The following LCN9 variants were observed in gnomAD, a reference collection of about 807,000 sequenced individuals.
The protein encoded by LCN9 is epididymal-specific lipocalin-9.
In LCN9, 22 loss-of-function variants were observed where a neutral mutation model predicts 18.5. The ratio of observed to expected loss-of-function variants is 1.19; its 90% CI spans 0.85 to 1.70. The LOEUF (loss-of-function observed/expected upper bound fraction) is 1.70, where lower values mean the gene tolerates loss of function less well. LCN9 is among the 40% of genes most tolerant of loss of function. LCN9 has a pLI of 0.00. For synonymous variants in LCN9, 89 were observed against 83.0 expected (o/e 1.07, Z -0.39); for missense variants, 202 against 201.3 (o/e 1.00, Z -0.02).
rs773626792 is a variant in LCN9, at chr9:135,664,270, G to A, written c.205G>A (p.Gly69Ser). Reference sequence around the variant, plus strand: ...CCGGAATATTGAACACTTGAAGAACGGCAGCCTAATATTTGATTTCGAATA... The same window carrying A: ...CCGGAATATTGAACACTTGAAGAACAGCAGCCTAATATTTGATTTCGAATA... Residue 69 changes from glycine (G) to serine (S), a missense_variant, in exon 2 of 6, where the codon GGC becomes AGC. Transcript: ENST00000619315. The surrounding 1 kb of genome is among the most constrained non-coding windows in gnomAD (Gnocchi z 4.5). 5.0e-5 allele frequency: 81 copies of A among 1,613,702 alleles called. No homozygotes were observed. The highest frequency in any genetic ancestry group is 9.9e-5 in the South Asian group (9 of 91,082).
At chr9:135,663,452 A>T in intron 1 of LCN9, 35 bp downstream of exon 1, 1 of 1,575,818 alleles carries the variant, frequency 6.3e-7, no homozygotes, top group Non-Finnish European at 8.7e-7. Flanking sequence ...GGAAGGGGCC[A>T]GGCTTCAAGG....
chr9:135,666,120 G>T (rs367731895), exon 6 of LCN9: 1 of 1,598,238 alleles, frequency 6.3e-7, no homozygotes, highest in South Asian at 1.1e-5. Context: ...AGCAGGAAGT[G>T]AGATGGGGCC....
At position 135,665,291 on chromosome 9, in the gene LCN9, G is replaced by A. The variant is rs752155644; in HGVS notation, c.354G>A (p.Leu118=). ...CCGTCTCGGAGACTGACTACAGGCT[G>A]TTCATCACCTTCCACCTCCAGAACT... Residue 118 remains leucine, a synonymous_variant, in exon 4 of 6, where the codon CTG becomes CTA. Transcript: ENST00000619315. This position sits in a 1 kb window ranked among gnomAD's most constrained non-coding sequence, Gnocchi z 5.9. The A allele has an allele frequency of 6.8e-6, 11 of 1,606,900 alleles. No individual in the cohort carries two copies. Among genetic ancestry groups the A allele is most frequent in the East Asian group, 6.7e-5 (3 of 44,586 alleles).
exon 6 of LCN9, chr9:135,666,355 T>C: frequency 1.8e-6 from 1 of 550,262 alleles, no homozygotes; most frequent in Non-Finnish European, 3.2e-6. Flanking sequence ...TGTCTGTGTC[T>C]CCTCTTCTGT....
chr9:135,666,426 T>G (rs895935845), exon 6 of LCN9: 3 of 352,648 alleles, frequency 8.5e-6, no homozygotes, highest in African/African-American at 2.1e-5. Flanking sequence ...TGATCTCCCG[T>G]CAAGACCTCA....
Position 135,664,115 on chromosome 9 carries a change from C to T in LCN9, c.97-47C>T. On this transcript the variant is annotated intron_variant, in intron 1 of 5. Coordinates refer to ENST00000619315, the Ensembl canonical transcript of LCN9. The surrounding 1 kb of genome is among the most constrained non-coding windows in gnomAD (Gnocchi z 4.5). ...GAAGACTGTGGGCGCTAAGCATCCC[C>T]AGGGCTGTCCCGCGGCCCCCCACCC... 1 of 1,606,818 alleles carries T rather than the reference C, an allele frequency of 6.2e-7. No homozygotes were observed. Among genetic ancestry groups the T allele is most frequent in the Non-Finnish European group, 8.5e-7 (1 of 1,176,664 alleles).
At position 135,665,116 on chromosome 9, in the gene LCN9, C is replaced by T; in HGVS notation, c.308-129C>T. On this transcript the variant is annotated intron_variant, in intron 3 of 5. Coordinates refer to ENST00000619315, the Ensembl canonical transcript of LCN9. This position sits in a 1 kb window ranked among gnomAD's most constrained non-coding sequence, Gnocchi z 5.9. ...TGCAGGGGTCTCCGCTGGGTGAGCACCGTGGGCTCCTCCCCTCCCGCCTCA... is the reference window on the plus strand; with the variant it reads ...TGCAGGGGTCTCCGCTGGGTGAGCATCGTGGGCTCCTCCCCTCCCGCCTCA... 1.4e-6 allele frequency: 1 copy of T among 700,870 alleles called. No homozygotes were observed. Among genetic ancestry groups the T allele is most frequent in the Non-Finnish European group, 2.5e-6 (1 of 396,960 alleles). 43.4% of individuals were successfully genotyped at this position (700,870 alleles called of 1,614,324 possible).
chr9:135,665,785 C>A lies in LCN9; in HGVS notation c.*9+33C>A. The A allele has an allele frequency of 6.2e-7, 1 of 1,612,278 alleles. No individual in the cohort carries two copies. Among genetic ancestry groups the A allele is most frequent in the Non-Finnish European group, 8.5e-7 (1 of 1,179,146 alleles). On this transcript the variant is annotated intron_variant, in intron 5 of 5. Transcript: ENST00000619315. This position sits in a 1 kb window ranked among gnomAD's most constrained non-coding sequence, Gnocchi z 5.9. ...CCACTGCTCCCGGACCAAGCGGGAG[C>A]CGGGACAGGGTGGGGATGGGAGGTG...
At position 135,665,975 on chromosome 9, in the gene LCN9, C is replaced by CG. The variant is rs1035868219; in HGVS notation, c.*128dup. ...AGCTTGGGGCCAACGTCAGAGGCTG[C>CG]GGGGTCCCACCCCAGGAGGTGCCCA... On this transcript the variant is annotated 3_prime_UTR_variant, in exon 6 of 6. Coordinates refer to ENST00000619315, the Ensembl canonical transcript of LCN9. The surrounding 1 kb of genome is among the most constrained non-coding windows in gnomAD (Gnocchi z 5.9). The CG allele has an allele frequency of 6.3e-6, 10 of 1,597,640 alleles. No homozygotes were observed. The African/African-American group carries it at 1.3e-4, about 21-fold the overall frequency.
In LCN9 at chr9:135,664,836, G is replaced by A. The variant is rs1052468185; in HGVS notation, c.307+41G>A. Reference sequence around the variant, plus strand: ...GCTCCTCCTGGTCTCACAGTCGGGGGTCTCCTTTCTCCAGGGCCTGGGCCA... The same window carrying A: ...GCTCCTCCTGGTCTCACAGTCGGGGATCTCCTTTCTCCAGGGCCTGGGCCA... On this transcript the variant is annotated intron_variant, in intron 3 of 5. Coordinates refer to ENST00000619315, the Ensembl canonical transcript of LCN9. The surrounding 1 kb of genome is among the most constrained non-coding windows in gnomAD (Gnocchi z 4.5). The A allele has an allele frequency of 1.9e-6, 3 of 1,542,012 alleles. No homozygotes were observed. Among genetic ancestry groups the A allele is most frequent in the South Asian group, 2.4e-5 (2 of 83,714 alleles).
At position 135,664,761 on chromosome 9, in the gene LCN9, GA is replaced by G; in HGVS notation, c.275del (p.Lys92ArgfsTer50). 1 of 1,598,124 alleles carries G rather than the reference GA, an allele frequency of 6.3e-7. No homozygotes were observed. Among genetic ancestry groups the G allele is most frequent in the Admixed American group, 1.7e-5 (1 of 57,590 alleles). On this transcript the variant is annotated frameshift_variant, in exon 3 of 6. Transcript: ENST00000619315. LOFTEE classifies it high-confidence loss of function. The surrounding 1 kb of genome is among the most constrained non-coding windows in gnomAD (Gnocchi z 4.5). ...GTGTGGCTGTGGTCGTGGTCTGCGA[GA>G]AGACAGAGAAGAATGGGGAATACTC... is the stretch of plus-strand genomic sequence containing the variant.
In LCN9 at chr9:135,665,560, C is replaced by T. The variant is rs1827108092; in HGVS notation, c.419-128C>T. On this transcript the variant is annotated intron_variant, in intron 4 of 5. Transcript: ENST00000619315. This position sits in a 1 kb window ranked among gnomAD's most constrained non-coding sequence, Gnocchi z 5.9. ...ATCTCACTTGGCACAAAGCCCCTCT[C>T]TGGTCAGGGCGTGACCCCCTGCCCA... 4 of 952,132 alleles carry T rather than the reference C, an allele frequency of 4.2e-6. No individual in the cohort carries two copies. Among genetic ancestry groups the T allele is most frequent in the African/African-American group, 3.3e-5 (2 of 61,426 alleles). The allele number at this position is 952,132 out of a possible 1,614,324, so 59.0% of individuals were successfully genotyped here.
chr9:135,665,746 A>G lies in LCN9; in HGVS notation c.*3A>G, dbSNP rs1373303862. 6 of 1,613,510 alleles carry G rather than the reference A, an allele frequency of 3.7e-6. No individual in the cohort carries two copies. The South Asian group carries it at 4.4e-5, about 12-fold the overall frequency. On this transcript the variant is annotated 3_prime_UTR_variant, in exon 5 of 6. Transcript: ENST00000619315. The surrounding 1 kb of genome is among the most constrained non-coding windows in gnomAD (Gnocchi z 5.9). ...CTCACAAAATATCATCGACTTGACC[A>G]ACAAAGGTCAGCCCCACTGCTCCCG...
intron 1 of LCN9, among the ~76,000 whole-genome samples, chr9:135,663,799 AGGGGG>A (rs1834159740): frequency 4.9e-5 from 1 of 20,530 alleles, no homozygotes; most frequent in Non-Finnish European, 9.6e-5. Context: ...GAGAGGACAG[AGGGGG>A]ACCTGGAGGG....
chr9:135,664,210 C>T lies in LCN9; in HGVS notation c.145C>T (p.Arg49Trp), dbSNP rs373991789. 2.4e-5 allele frequency: 39 copies of T among 1,613,188 alleles called. No individual in the cohort carries two copies. Among genetic ancestry groups the T allele is most frequent in the East Asian group, 4.5e-5 (2 of 44,860 alleles). ...TTTCATGGCCTCAGATGACCTGAAT[C>T]GGATTAAAGAAAATGGAGACCTGAG... Residue 49 changes from arginine (R) to tryptophan (W), a missense_variant, in exon 2 of 6, where the codon CGG (arginine) becomes TGG (tryptophan). Physicochemically the swap from Arg to Trp is moderately radical, Grantham distance 101 (BLOSUM62 -3). Coordinates refer to ENST00000619315, the Ensembl canonical transcript of LCN9. The surrounding 1 kb of genome is among the most constrained non-coding windows in gnomAD (Gnocchi z 4.5).
In LCN9 at chr9:135,665,365, C is replaced by T. The variant is rs1834201470; in HGVS notation, c.418+10C>T. The T allele has an allele frequency of 6.4e-7, 1 of 1,574,784 alleles. No individual in the cohort carries two copies. Among genetic ancestry groups the T allele is most frequent in the East Asian group, 2.3e-5 (1 of 42,806 alleles). On this transcript the variant is annotated intron_variant, in intron 4 of 5. Transcript: ENST00000619315. The surrounding 1 kb of genome is among the most constrained non-coding windows in gnomAD (Gnocchi z 5.9). The stretch of plus-strand genomic sequence containing the variant: ...ACGCTGGCGCTCTATGGTACCTCCG[C>T]TGTCCCCCTCTGACCCCCTCGGGGA...
chr9:135,666,866 G>A (rs967819998), exon 6 of LCN9, among the ~76,000 whole-genome samples: 1 of 148,772 alleles, frequency 6.7e-6, no homozygotes, highest in Non-Finnish European at 1.5e-5. Flanking sequence ...CTCAGCCACT[G>A]CCTTTGGGGG....
At chr9:135,663,603 G>A (rs1834156255) in intron 1 of LCN9, among the ~76,000 whole-genome samples, 186 bp downstream of exon 1, 1 of 152,008 alleles carries the variant, frequency 6.6e-6, no homozygotes, top group South Asian at 2.1e-4. Context: ...GGAGAGGCCT[G>A]GGAGAGTGAC....
chr9:135,665,979 G>T lies in LCN9; in HGVS notation c.*128G>T. 1.3e-6 allele frequency: 2 copies of T among 1,598,684 alleles called. No individual in the cohort carries two copies. The highest frequency in any genetic ancestry group is 1.7e-6 in the Non-Finnish European group (2 of 1,178,000). On this transcript the variant is annotated 3_prime_UTR_variant, in exon 6 of 6. Transcript: ENST00000619315. This position sits in a 1 kb window ranked among gnomAD's most constrained non-coding sequence, Gnocchi z 5.9. Reference sequence around the variant, plus strand: ...TGGGGCCAACGTCAGAGGCTGCGGGGTCCCACCCCAGGAGGTGCCCATCCC... The same window carrying T: ...TGGGGCCAACGTCAGAGGCTGCGGGTTCCCACCCCAGGAGGTGCCCATCCC...
Sources: allele counts gnomAD v4.1 joint callset (sites outside exome capture counted in the v4.1 genomes callset), GRCh38; gene constraint gnomAD v4.1.1; non-coding constraint Gnocchi (gnomAD v3.1); transcripts MANE v1.5; gene names NCBI Gene and HGNC (gene_info 2026-07-23, HGNC 2026-07-21).